Variants in SRPK1 observed in about 807,000 individuals in gnomAD.
The protein encoded by SRPK1 is SRSF protein kinase 1.
A neutral mutation model predicts 89.5 loss-of-function variants in SRPK1; 52 were observed. That is an observed-to-expected ratio of 0.58 (90% confidence interval 0.46 to 0.73). The LOEUF (loss-of-function observed/expected upper bound fraction) is 0.73. Ranked by LOEUF, SRPK1 falls within the 30% of genes least tolerant of loss-of-function variation. SRPK1 has a pLI of 0.00. For synonymous variants in SRPK1, 255 were observed against 270.2 expected (o/e 0.94, Z 0.55); for missense variants, 603 against 780.6 (o/e 0.77, Z 2.71).
intron 13 of SRPK1, among the ~76,000 whole-genome samples, chr6:35,848,109 G>A (rs1769463946): frequency 6.6e-6 from 1 of 152,114 alleles, no homozygotes; most frequent in African/African-American, 2.4e-5. Context: ...CCTTACTATT[G>A]TTAAAATGTC....
intron 12 of SRPK1, among the ~76,000 whole-genome samples, chr6:35,862,073 T>TAACAACAACAAC (rs201751746): frequency 6.6e-6 from 1 of 151,532 alleles, no homozygotes; most frequent in African/African-American, 2.4e-5. Flanking sequence ...CCATCACAGC[T>TAACAACAACAAC]AACAACAACA....
chr6:35,838,596 T>C, intron 14 of SRPK1, 167 bp from the exon 15 acceptor site: 7 of 1,493,182 alleles, frequency 4.7e-6, no homozygotes, highest in Non-Finnish European at 6.4e-6. Context: ...ATCCATCTAA[T>C]GGAGAATTCA....
At chr6:35,859,758 G>A (rs1490518608) in intron 12 of SRPK1, among the ~76,000 whole-genome samples, 2 of 152,144 alleles carry the variant, frequency 1.3e-5, no homozygotes, top group Non-Finnish European at 2.9e-5. Context: ...GAATTCAATG[G>A]GGTGCAACAC....
intron 13 of SRPK1, among the ~76,000 whole-genome samples, chr6:35,852,465 A>G (rs1179275148): frequency 1.3e-5 from 2 of 152,222 alleles, no homozygotes; most frequent in Non-Finnish European, 2.9e-5. Flanking sequence ...TATAGCTTTC[A>G]TTGTATAGGA....
At chr6:35,880,747 A>AG (rs1770265583) in intron 6 of SRPK1, among the ~76,000 whole-genome samples, 1 of 75,424 alleles carries the variant, frequency 1.3e-5, no homozygotes, top group African/African-American at 4.7e-5. Context: ...AAAAAAAAAA[A>AG]AAAGAAAAGA....
At chr6:35,843,886 C>T (rs9470131) in intron 13 of SRPK1, among the ~76,000 whole-genome samples, 47,855 of 151,942 alleles carry the variant, frequency 0.31, 7,770 homozygotes, top group South Asian at 0.42. Context: ...TCTTACAGTG[C>T]TCGAGAGTGT....
At position 35,869,016 on chromosome 6, in the gene SRPK1, A is replaced by G; in HGVS notation, c.1506T>C (p.Cys502=). The change falls in exon 12 of 16, where the codon TGT becomes TGC. Residue 502 remains cysteine, a synonymous_variant. Transcript: ENST00000373825. ...KVKIADLGNA[C]WVHKHFTEDI... is the part of the protein sequence containing the mutation. The stretch of plus-strand genomic sequence containing the variant: ...TAAGGCAAGTTTAACTTACCACCCA[A>G]CAAGCATTTCCAAGGTCAGCAATCT... 1 of 1,613,644 alleles carries G rather than the reference A, an allele frequency of 6.2e-7. No individual in the cohort carries two copies. The highest frequency in any genetic ancestry group is 2.2e-5 in the East Asian group (1 of 44,854).
rs1307382532 is a variant in SRPK1 at position 35,868,236 on chromosome 6, C to T, written c.1512+774G>A. ...TGATCTCATGTGATCCGCCAGCCTCCGCCTCCCAAAGTGCTGGGATTACAG... is the reference window on the plus strand; with the variant it reads ...TGATCTCATGTGATCCGCCAGCCTCTGCCTCCCAAAGTGCTGGGATTACAG... On this transcript the variant is annotated intron_variant, in intron 12 of 15. Coordinates refer to ENST00000373825, the MANE Select transcript of SRPK1 (RefSeq NM_003137.5). Among the ~76,000 whole-genome samples the T allele has an allele frequency of 2.0e-5, 3 of 152,020 alleles. No individual in the cohort carries two copies. In the East Asian group the frequency reaches 5.8e-4, roughly 29 times the overall value.
intron 13 of SRPK1, among the ~76,000 whole-genome samples, chr6:35,848,510 T>C (rs372299900): frequency 6.6e-6 from 1 of 152,208 alleles, no homozygotes; most frequent in Non-Finnish European, 1.5e-5. Flanking sequence ...AGAGCTGTGA[T>C]TGCGCCACTG....
intron 2 of SRPK1, among the ~76,000 whole-genome samples, chr6:35,919,815 G>C (rs1457566246): frequency 1.3e-5 from 2 of 152,204 alleles, no homozygotes; most frequent in African/African-American, 4.8e-5. Flanking sequence ...CGTTACTATT[G>C]TGATGTCCAC....
intron 14 of SRPK1, among the ~76,000 whole-genome samples, chr6:35,841,158 T>G (rs551905607): frequency 1.3e-5 from 2 of 151,828 alleles, no homozygotes; most frequent in Non-Finnish European, 2.9e-5. Flanking sequence ...CCCAGAAAAA[T>G]AGCAAGCAGA....
Position 35,888,805 on chromosome 6 carries a change from TA to T in SRPK1, c.302+9del. ...CTAACTAATTCTTTTACAGAACCACTAAAACTTACTGAATATCCCATGATAA... is the reference window on the plus strand; with the variant it reads ...CTAACTAATTCTTTTACAGAACCACTAAACTTACTGAATATCCCATGATAA... On this transcript the variant is annotated intron_variant, in intron 4 of 15. Coordinates refer to ENST00000373825, the MANE Select transcript of SRPK1 (RefSeq NM_003137.5). 6.4e-7 allele frequency: 1 copy of T among 1,568,132 alleles called. No homozygotes were observed. Among genetic ancestry groups the T allele is most frequent in the Non-Finnish European group, 8.8e-7 (1 of 1,138,728 alleles).
rs970598148 is a variant in SRPK1 at position 35,863,914 on chromosome 6, C to T, written c.1512+5096G>A. Among the ~76,000 whole-genome samples, 2 of 152,108 alleles carry T rather than the reference C, an allele frequency of 1.3e-5. 1 individual carries two copies. Among genetic ancestry groups the T allele is most frequent in the Non-Finnish European group, 2.9e-5 (2 of 68,012 alleles). ...TCTTACCCTAAGTAGAAAGATCAAC[C>T]AATCAAAAATAACTACAACAACTTT... On this transcript the variant is annotated intron_variant, in intron 12 of 15. Transcript: ENST00000373825.
chr6:35,902,856 T>C (rs1448981853), intron 2 of SRPK1, among the ~76,000 whole-genome samples: 1 of 152,094 alleles, frequency 6.6e-6, no homozygotes, highest in African/African-American at 2.4e-5. Flanking sequence ...CTAAAAGGCA[T>C]AAAAACTAGC....
chr6:35,843,755 T>C (rs1769368969), intron 13 of SRPK1, among the ~76,000 whole-genome samples: 1 of 151,478 alleles, frequency 6.6e-6, no homozygotes, highest in Non-Finnish European at 1.5e-5. Flanking sequence ...GGCCAATTCG[T>C]AGGTCTTTAG....
chr6:35,841,120 C>T (rs536898359), intron 14 of SRPK1, among the ~76,000 whole-genome samples: 2 of 152,218 alleles, frequency 1.3e-5, no homozygotes, highest in Admixed American at 1.3e-4. Flanking sequence ...ATCCCAAACA[C>T]TGTAAGCCTA....
chr6:35,851,544 GA>G (rs2151082324), intron 13 of SRPK1, among the ~76,000 whole-genome samples: 1 of 152,278 alleles, frequency 6.6e-6, no homozygotes, highest in African/African-American at 2.4e-5. Flanking sequence ...AAAGGAAAAA[GA>G]ATTAAGAATT....
At chr6:35,864,710 A>C (rs1769857297) in intron 12 of SRPK1, among the ~76,000 whole-genome samples, 1 of 152,236 alleles carries the variant, frequency 6.6e-6, no homozygotes, top group Non-Finnish European at 1.5e-5. Context: ...AACGAAAGGA[A>C]ATCTGTATAT....
chr6:35,920,621 T>A, intron 1 of SRPK1, 93 bp from the exon 2 acceptor site: 1 of 1,141,346 alleles, frequency 8.8e-7, no homozygotes, highest in Non-Finnish European at 1.2e-6. Context: ...CAGGCCCGGC[T>A]GCGGGGCCTG....
Sources: allele counts gnomAD v4.1 joint callset (sites outside exome capture counted in the v4.1 genomes callset), GRCh38; gene constraint gnomAD v4.1.1; transcripts MANE v1.5; gene names NCBI Gene and HGNC (gene_info 2026-07-23, HGNC 2026-07-21).